GABRA4: variants seen among roughly 807,000 people sequenced by gnomAD.
GABRA4 encodes gamma-aminobutyric acid receptor subunit alpha-4.
GABRA4 carries 12 observed loss-of-function variants against 49.7 expected under a neutral mutation model. That is an observed-to-expected ratio of 0.24 (90% confidence interval 0.15 to 0.39). The LOEUF is 0.39. Among genes scored for constraint, GABRA4 ranks in the 10% least tolerant of loss-of-function variants. The pLI is 1.00. For missense variants in GABRA4, 506 were observed against 686.0 expected (o/e 0.74, Z 2.93); for synonymous variants, 288 against 240.2 (o/e 1.20, Z -1.84).
chr4:46,952,870 A>G (rs779511501), intron 8 of GABRA4, among the ~76,000 whole-genome samples: 7 of 152,112 alleles, frequency 4.6e-5, no homozygotes, highest in Non-Finnish European at 7.4e-5. Flanking sequence ...TTGAAGTACC[A>G]GAAAAAAACC....
chr4:46,933,423 T>G (rs889067898), intron 8 of GABRA4, among the ~76,000 whole-genome samples: 1 of 152,210 alleles, frequency 6.6e-6, no homozygotes, highest in African/African-American at 2.4e-5. Context: ...ATCCCAAGTC[T>G]GGCTGAGAAT....
chr4:46,927,991 GTATTCT>G lies in GABRA4; in HGVS notation c.*228_*233del. The G allele has an allele frequency of 4.4e-5, 17 of 389,260 alleles. No individual in the cohort carries two copies. Among genetic ancestry groups the G allele is most frequent in the South Asian group, 2.6e-4 (7 of 26,832 alleles). 24.1% of individuals were successfully genotyped at this position (389,260 alleles called of 1,614,324 possible). Reference sequence around the variant, plus strand: ...TTATCCCAACTTTCCAGGATGGTGTGTATTCTATCTAACTGAATGCTGAGTTCTTTT... The same window carrying G: ...TTATCCCAACTTTCCAGGATGGTGTGATCTAACTGAATGCTGAGTTCTTTT... On this transcript the variant is annotated 3_prime_UTR_variant, in exon 9 of 9. Transcript: ENST00000264318.
In GABRA4 at chr4:46,993,550, C is replaced by G; in HGVS notation, c.-126G>C. On this transcript the variant is annotated 5_prime_UTR_variant, in exon 1 of 9. Coordinates refer to ENST00000264318, the MANE Select transcript of GABRA4 (RefSeq NM_000809.4). ...GCACACTCGCGCTCACACTCGCCCG[C>G]GCTCAGCCAGCCCGAGCCGCGGTGG... is the stretch of plus-strand genomic sequence containing the variant. 9.8e-7 allele frequency: 1 copy of G among 1,016,062 alleles called. No homozygotes were observed. The highest frequency in any genetic ancestry group is 1.5e-6 in the Non-Finnish European group (1 of 676,212). 62.9% of individuals were successfully genotyped at this position (1,016,062 alleles called of 1,614,324 possible).
chr4:46,960,682 A>C (rs1261421696), intron 8 of GABRA4, among the ~76,000 whole-genome samples: 1 of 151,678 alleles, frequency 6.6e-6, no homozygotes, highest in African/African-American at 2.4e-5. Context: ...AATAATTATA[A>C]TAATATTACA....
intron 2 of GABRA4, among the ~76,000 whole-genome samples, chr4:46,992,254 A>T (rs537043763): frequency 6.6e-6 from 1 of 152,208 alleles, no homozygotes; most frequent in East Asian, 1.9e-4. Flanking sequence ...TTAAAGTCTT[A>T]GGAGGAAAGC....
intron 2 of GABRA4, 125 bp downstream of exon 2, chr4:46,992,703 T>C (rs963980234): frequency 1.4e-6 from 1 of 739,748 alleles, no homozygotes; most frequent in South Asian, 1.6e-5. Flanking sequence ...AGAGGAGAGA[T>C]AGAAAGAGAG....
At chr4:46,979,534 G>C (rs1441315729) in intron 2 of GABRA4, among the ~76,000 whole-genome samples, 1 of 152,096 alleles carries the variant, frequency 6.6e-6, no homozygotes, top group African/African-American at 2.4e-5. Flanking sequence ...TATCCTTGGA[G>C]AGCTGAGGAT....
rs976870061 is a variant in GABRA4 at position 46,960,450 on chromosome 4, T to A, written c.1134+4520A>T. ...ATTGTTTTAATAATCAAAAATTAAC[T>A]TTTTTCAATTTGGCTTCAAACATTT... On this transcript the variant is annotated intron_variant, in intron 8 of 8. Coordinates refer to ENST00000264318, the MANE Select transcript of GABRA4 (RefSeq NM_000809.4). Among the ~76,000 whole-genome samples the A allele has an allele frequency of 5.3e-5, 8 of 151,886 alleles. 2 individuals carry two copies. The highest frequency in any genetic ancestry group is 1.3e-4 in the Admixed American group (2 of 15,200).
intron 8 of GABRA4, among the ~76,000 whole-genome samples, chr4:46,930,395 A>C (rs1721386430): frequency 1.3e-5 from 2 of 152,090 alleles, no homozygotes; most frequent in East Asian, 1.9e-4. Context: ...ACTGATTATC[A>C]TTGATCCTAA....
At position 46,962,117 on chromosome 4, in the gene GABRA4, T is replaced by G. The variant is rs537729005; in HGVS notation, c.1134+2853A>C. The stretch of plus-strand genomic sequence containing the variant: ...CTACAACTATCTAACTTCTTGCTTA[T>G]TGGTTTTGTTTTCTTCTTTAATACA... On this transcript the variant is annotated intron_variant, in intron 8 of 8. Coordinates refer to ENST00000264318, the MANE Select transcript of GABRA4 (RefSeq NM_000809.4). 2.0e-5 allele frequency among the ~76,000 whole-genome samples: 3 copies of G among 151,992 alleles called. No homozygotes were observed. In the South Asian group the frequency reaches 6.2e-4, roughly 32 times the overall value.
chr4:46,985,648 C>G (rs1723507008), intron 2 of GABRA4, among the ~76,000 whole-genome samples: 1 of 151,916 alleles, frequency 6.6e-6, no homozygotes, highest in South Asian at 2.1e-4. Flanking sequence ...TGAAGTATTA[C>G]CCAAATATCC....
chr4:46,993,230 G>C, intron 1 of GABRA4, 109 bp downstream of exon 1: 3 of 955,136 alleles, frequency 3.1e-6, no homozygotes, highest in South Asian at 2.7e-5. Context: ...TTACAGCTGA[G>C]ATAAGAAGAC....
intron 8 of GABRA4, among the ~76,000 whole-genome samples, chr4:46,944,834 C>T (rs904679029): frequency 2.6e-5 from 4 of 152,198 alleles, no homozygotes; most frequent in South Asian, 2.1e-4. Flanking sequence ...GCATTCAGCA[C>T]GCTTGTGTGA....
intron 2 of GABRA4, among the ~76,000 whole-genome samples, chr4:46,990,799 A>G (rs1314019779): frequency 1.3e-5 from 2 of 152,246 alleles, no homozygotes; most frequent in East Asian, 3.9e-4. Context: ...CATGAAGGCA[A>G]ATGCAGTGTA....
chr4:46,937,845 CT>C (rs1430540848), intron 8 of GABRA4, among the ~76,000 whole-genome samples: 1 of 152,124 alleles, frequency 6.6e-6, no homozygotes, highest in Non-Finnish European at 1.5e-5. Flanking sequence ...ATAATTTGAG[CT>C]GCTTCTTCAA....
rs561928401 is a variant in GABRA4 at position 46,951,728 on chromosome 4, T to C, written c.1134+13242A>G. ...GTATAATAAAATACTAGGAAATTTG[T>C]TATATATATATATGTGTGTGTGTGT... On this transcript the variant is annotated intron_variant, in intron 8 of 8. Transcript: ENST00000264318. Among the ~76,000 whole-genome samples the C allele has an allele frequency of 3.3e-5, 5 of 151,206 alleles. No individual in the cohort carries two copies. The East Asian group carries it at 9.7e-4, about 29-fold the overall frequency.
At chr4:46,949,062 T>G (rs1722075720) in intron 8 of GABRA4, among the ~76,000 whole-genome samples, 1 of 152,110 alleles carries the variant, frequency 6.6e-6, no homozygotes. Context: ...GATGTTGTAG[T>G]GTAATAAAGA....
chr4:46,963,947 G>A (rs771608175), intron 8 of GABRA4, among the ~76,000 whole-genome samples: 1 of 151,858 alleles, frequency 6.6e-6, no homozygotes, highest in Non-Finnish European at 1.5e-5. Flanking sequence ...ATATCAGAGA[G>A]ATATCTGCAC....
Position 46,979,146 on chromosome 4 carries a change from A to G in GABRA4, c.206-48T>C, listed in dbSNP as rs757474858. 4 of 1,172,256 alleles carry G rather than the reference A, an allele frequency of 3.4e-6. No individual in the cohort carries two copies. In the South Asian group the frequency reaches 5.0e-5, roughly 15 times the overall value. The allele number at this position is 1,172,256 out of a possible 1,614,324, so 72.6% of individuals were successfully genotyped here. Reference sequence around the variant, plus strand: ...GTGTGAAAAAATAATTACCAATTTTACAGGCTGGGAAGGTTAGATAATTAC... The same window carrying G: ...GTGTGAAAAAATAATTACCAATTTTGCAGGCTGGGAAGGTTAGATAATTAC... On this transcript the variant is annotated intron_variant, in intron 2 of 8. Transcript: ENST00000264318.
Sources: allele counts gnomAD v4.1 joint callset (sites outside exome capture counted in the v4.1 genomes callset), GRCh38; gene constraint gnomAD v4.1.1; transcripts MANE v1.5; gene names NCBI Gene and HGNC (gene_info 2026-07-23, HGNC 2026-07-21).